NF1: variants seen among roughly 807,000 people sequenced by gnomAD.
NF1 encodes the protein neurofibromin 1, also known as neurofibromin.
NF1 carries 122 observed loss-of-function variants against 325.7 expected under a neutral mutation model. The ratio of observed to expected loss-of-function variants is 0.37; its 90% CI spans 0.32 to 0.44. The LOEUF (loss-of-function observed/expected upper bound fraction) is 0.44. Among genes scored for constraint, NF1 ranks in the 20% least tolerant of loss-of-function variants. The probability of loss-of-function intolerance (pLI) is 1.00; values close to 1 mark genes in which losing one functional copy is unlikely to be tolerated. For missense variants in NF1, 2,140 were observed against 3,415.4 expected, an observed-to-expected ratio of 0.63 and a Z score of 9.31; for synonymous variants, 1,091 against 1,186.0, an observed-to-expected ratio of 0.92 and a Z score of 1.65.
chr17:31,201,988 A>AT (rs2066539038), intron 11 of NF1, among the ~76,000 whole-genome samples: 1 of 152,132 alleles, frequency 6.6e-6, no homozygotes, highest in Non-Finnish European at 1.5e-5. Context: ...GTAAAATTTC[A>AT]TTTTTCTTAA....
chr17:31,364,481 C>T (rs552150567), intron 57 of NF1, among the ~76,000 whole-genome samples: 5 of 152,268 alleles, frequency 3.3e-5, no homozygotes, highest in African/African-American at 1.2e-4. Context: ...ACTAGCAAAT[C>T]AACAAAATAA....
chr17:31,363,974 T>C (rs12947265), intron 57 of NF1, among the ~76,000 whole-genome samples: 75,971 of 148,836 alleles, frequency 0.51, 20,795 homozygotes, highest in Middle Eastern at 0.66. Context: ...CTCCTGACCT[T>C]AGGTGATCCA....
rs536827509 is a variant in NF1, at chr17:31,173,270, C to T, written c.586+3273C>T. Among the ~76,000 whole-genome samples, 10 of 152,098 alleles carry T rather than the reference C, an allele frequency of 6.6e-5. 1 individual carries two copies. The highest frequency in any genetic ancestry group is 1.3e-4 in the Admixed American group (2 of 15,270). ...CTAGAAATACAAAAAATTAGCCAGT[C>T]GTAGTGGTGGGCGCCTGTAGTCCCA... is the stretch of plus-strand genomic sequence containing the variant. On this transcript the variant is annotated intron_variant, in intron 5 of 57. Transcript: ENST00000358273.
At chr17:31,241,371 C>T (rs2067293719) in intron 29 of NF1, among the ~76,000 whole-genome samples, 1 of 152,174 alleles carries the variant, frequency 6.6e-6, no homozygotes, top group South Asian at 2.1e-4. Context: ...CGAGGACTTA[C>T]TCCTGCTATT....
intron 35 of NF1, 150 bp from the exon 36 acceptor site, chr17:31,265,079 G>C: frequency 1.7e-6 from 1 of 572,800 alleles, no homozygotes; most frequent in Non-Finnish European, 3.1e-6. Context: ...GAAATTTTTG[G>C]TGCATGTTGC....
At chr17:31,217,310 T>G (rs1248489688) in intron 13 of NF1, among the ~76,000 whole-genome samples, 1 of 13,498 alleles carries the variant, frequency 7.4e-5, no homozygotes, top group Non-Finnish European at 2.0e-4. Flanking sequence ...GCTTCATATA[T>G]TCTTCTTTTT....
chr17:31,238,750 A>G (rs542145528), intron 29 of NF1, among the ~76,000 whole-genome samples: 2 of 151,424 alleles, frequency 1.3e-5, no homozygotes, highest in East Asian at 3.9e-4. Flanking sequence ...AAAAAAAAAG[A>G]AACTCTTTGA....
chr17:31,329,937 T>G (rs1251579320), intron 38 of NF1, among the ~76,000 whole-genome samples: 1 of 152,166 alleles, frequency 6.6e-6, no homozygotes, highest in Non-Finnish European at 1.5e-5. Flanking sequence ...TAAAAATGTA[T>G]GGTGTGCCTT....
At chr17:31,198,588 A>G (rs2066473120) in intron 8 of NF1, among the ~76,000 whole-genome samples, 1 of 150,912 alleles carries the variant, frequency 6.6e-6, no homozygotes, top group African/African-American at 2.5e-5. Context: ...TTTTTGCAAA[A>G]TCAGTAGTGT....
chr17:31,200,156 G>T (rs1409148186), intron 8 of NF1, among the ~76,000 whole-genome samples: 1 of 150,714 alleles, frequency 6.6e-6, no homozygotes, highest in African/African-American at 2.4e-5. Flanking sequence ...AAAAAAAGAA[G>T]TTCAGAAAAC....
intron 36 of NF1, among the ~76,000 whole-genome samples, chr17:31,310,470 G>T (rs1249826999): frequency 6.6e-6 from 1 of 152,128 alleles, no homozygotes; most frequent in African/African-American, 2.4e-5. Context: ...AGAAGCAACG[G>T]CAAAATGCTG....
intron 1 of NF1, among the ~76,000 whole-genome samples, chr17:31,142,553 C>T (rs998364068): frequency 2.0e-5 from 3 of 151,890 alleles, no homozygotes; most frequent in African/African-American, 4.8e-5. Context: ...TTTCATTTTG[C>T]ACTTTAAAAA....
At chr17:31,232,610 C>A in intron 25 of NF1, 90 bp from the exon 26 acceptor site, 1 of 1,245,884 alleles carries the variant, frequency 8.0e-7, no homozygotes, top group Non-Finnish European at 1.2e-6. Flanking sequence ...GCCATTCACA[C>A]CATGCACATA....
chr17:31,365,207 C>T lies in NF1; in HGVS notation c.8377+4504C>T, dbSNP rs572065755. On this transcript the variant is annotated intron_variant, in intron 57 of 57. Coordinates refer to ENST00000358273, the MANE Select transcript of NF1 (RefSeq NM_001042492.3). ...GGCTGGGGTGGGAGAATCACCTGAGCCGGAGAGGTCAAGGCTGTGGTGAGC... is the reference window on the plus strand; with the variant it reads ...GGCTGGGGTGGGAGAATCACCTGAGTCGGAGAGGTCAAGGCTGTGGTGAGC... Among the ~76,000 whole-genome samples the T allele has an allele frequency of 6.4e-5, 9 of 141,576 alleles. No individual in the cohort carries two copies. The East Asian group carries it at 1.9e-3, about 30-fold the overall frequency. The allele number at this position is 141,576 out of a possible 152,430, so 92.9% of individuals were successfully genotyped here. A position where few individuals can be genotyped will look rare whatever the true frequency, so the allele number is the denominator to read the frequency against.
intron 50 of NF1, 66 bp from the exon 51 acceptor site, chr17:31,352,191 G>C (rs2151576680): frequency 6.7e-7 from 1 of 1,495,726 alleles, no homozygotes; most frequent in Non-Finnish European, 9.3e-7. Context: ...CCACTTGGAA[G>C]GAGCAAACGA....
At chr17:31,250,718 C>G (rs1400348528) in intron 30 of NF1, 1 of 190,098 alleles carries the variant, frequency 5.3e-6, no homozygotes, top group African/African-American at 2.3e-5. Context: ...TCCCTCCCAC[C>G]TAAGTAAACA....
chr17:31,336,335 T>C lies in NF1; in HGVS notation c.6009T>C (p.Ile2003=). The change falls in exon 41 of 58, where the codon ATT becomes ATC. Residue 2003 remains isoleucine (I), a splice_region_variant and synonymous_variant. Coordinates refer to ENST00000358273, the MANE Select transcript of NF1 (RefSeq NM_001042492.3). This position sits in a 1 kb window ranked among gnomAD's most constrained non-coding sequence, Gnocchi z 5.5. ...QAKIWGSLGQ[I]TDLLDVVLDS... ...TGTTATTTTCCTTCTTCAACTAGAT[T>C]ACAGATCTGCTTGATGTTGTACTAG... 6.2e-7 allele frequency: 1 copy of C among 1,614,012 alleles called. No individual in the cohort carries two copies. The highest frequency in any genetic ancestry group is 1.1e-5 in the South Asian group (1 of 91,078).
intron 30 of NF1, chr17:31,251,353 T>C (rs1263871580): frequency 4.9e-6 from 1 of 205,192 alleles, no homozygotes. Flanking sequence ...AGCTCCTTTT[T>C]TGAGTTCATA....
At chr17:31,163,130 G>T (rs1442303314) in intron 3 of NF1, 56 bp from the exon 4 acceptor site, 40 of 1,571,782 alleles carry the variant, frequency 2.5e-5, no homozygotes, top group Middle Eastern at 1.7e-4. Context: ...TTTCATAATA[G>T]AAAATGTTTA....
Sources: allele counts gnomAD v4.1 joint callset (sites outside exome capture counted in the v4.1 genomes callset), GRCh38; gene constraint gnomAD v4.1.1; non-coding constraint Gnocchi (gnomAD v3.1); transcripts MANE v1.5; gene names NCBI Gene and HGNC (gene_info 2026-07-23, HGNC 2026-07-21).